The following LRRC8B variants were observed in gnomAD, a reference collection of about 807,000 sequenced individuals.
The protein encoded by LRRC8B is volume-regulated anion channel subunit LRRC8B.
In LRRC8B, 23 loss-of-function variants were observed where a neutral mutation model predicts 58.8. The observed-to-expected ratio is 0.39, with a 90% CI of 0.28 to 0.55. The LOEUF (loss-of-function observed/expected upper bound fraction) is 0.55, where lower values mean the gene tolerates loss of function less well. LRRC8B is among the 20% of genes least tolerant of loss of function. The pLI is 0.62. For synonymous variants in LRRC8B, 359 were observed against 374.1 expected, an observed-to-expected ratio of 0.96 and a Z score of 0.47; for missense variants, 694 against 936.0, an observed-to-expected ratio of 0.74 and a Z score of 3.37.
Position 89,592,932 on chromosome 1 carries a change from A to G in LRRC8B, c.2301A>G (p.Leu767=), listed in dbSNP as rs773454496. ...GNYLETLPPE[L]EGCQSLKRNC... ...ACCTGGAAACACTTCCTCCTGAACT[A>G]GAAGGATGTCAGTCCCTAAAACGGA... The change falls in exon 6 of 6, where the codon CTA becomes CTG. Residue 767 remains leucine, a synonymous_variant. Coordinates refer to ENST00000330947, the MANE Select transcript of LRRC8B (RefSeq NM_001369817.2). 6.2e-7 allele frequency: 1 copy of G among 1,614,142 alleles called. No homozygotes were observed. The highest frequency in any genetic ancestry group is 1.6e-4 in the Middle Eastern group (1 of 6,062).
Position 89,594,352 on chromosome 1 carries a change from G to A in LRRC8B, c.*1309G>A, listed in dbSNP as rs1314466265. 1 of 152,182 alleles carries A rather than the reference G, an allele frequency of 6.6e-6. No individual in the cohort carries two copies. Among genetic ancestry groups the A allele is most frequent in the East Asian group, 1.9e-4 (1 of 5,202 alleles). 9.4% of individuals were successfully genotyped at this position (152,182 alleles called of 1,614,324 possible). On this transcript the variant is annotated 3_prime_UTR_variant, in exon 6 of 6. Transcript: ENST00000330947. Reference sequence around the variant, plus strand: ...AAAGTATTTGGGGGTTTCCTTGTGAGAGGGTGGCCGAATCATCTACCTCTC... The same window carrying A: ...AAAGTATTTGGGGGTTTCCTTGTGAAAGGGTGGCCGAATCATCTACCTCTC...
At chr1:89,580,761 T>C (rs555176806) in intron 4 of LRRC8B, among the ~76,000 whole-genome samples, 2 of 152,142 alleles carry the variant, frequency 1.3e-5, no homozygotes, top group Non-Finnish European at 2.9e-5. Context: ...ATCCATATAA[T>C]ATTATGTGAT....
chr1:89,543,873 G>A (rs531718765), intron 1 of LRRC8B, among the ~76,000 whole-genome samples: 3 of 150,602 alleles, frequency 2.0e-5, no homozygotes, highest in African/African-American at 4.9e-5. Context: ...CTCCAGCCCC[G>A]ATCTCCCAGG....
intron 1 of LRRC8B, among the ~76,000 whole-genome samples, chr1:89,539,585 T>A (rs1650803579): frequency 6.6e-6 from 1 of 152,202 alleles, no homozygotes; most frequent in South Asian, 2.1e-4. Flanking sequence ...GGAGTCTGCA[T>A]GGAAAGTGTA....
chr1:89,529,552 T>C (rs904935300), intron 1 of LRRC8B, among the ~76,000 whole-genome samples: 1 of 152,176 alleles, frequency 6.6e-6, no homozygotes, highest in African/African-American at 2.4e-5. Flanking sequence ...AGAAAAAAAG[T>C]ATATAAAGTG....
chr1:89,572,093 C>T (rs141734627), intron 3 of LRRC8B, among the ~76,000 whole-genome samples: 4 of 152,204 alleles, frequency 2.6e-5, no homozygotes, highest in Non-Finnish European at 4.4e-5. Flanking sequence ...TGTTCCTATG[C>T]TTATGAAGCT....
At chr1:89,557,470 T>G (rs1410107915) in intron 1 of LRRC8B, among the ~76,000 whole-genome samples, 1 of 152,240 alleles carries the variant, frequency 6.6e-6, no homozygotes, top group Non-Finnish European at 1.5e-5. Flanking sequence ...TTCAGAGTGC[T>G]TCCATGATAT....
chr1:89,597,681 G>A lies in LRRC8B; in HGVS notation c.*4638G>A, dbSNP rs1655358300. The A allele has an allele frequency of 6.6e-6, 1 of 152,120 alleles. No individual in the cohort carries two copies. The highest frequency in any genetic ancestry group is 1.5e-5 in the Non-Finnish European group (1 of 68,012). 9.4% of individuals were successfully genotyped at this position (152,120 alleles called of 1,614,324 possible). On this transcript the variant is annotated 3_prime_UTR_variant, in exon 6 of 6. Transcript: ENST00000330947. ...GGTAATGAATTATTAGAAAATGGAA[G>A]ATTTTGTTCAATGTTTTTGGCCCTC...
At position 89,583,390 on chromosome 1, in the gene LRRC8B, A is replaced by T; in HGVS notation, c.740A>T (p.His247Leu). The change falls in exon 5 of 6, where the codon CAT becomes CTT. Residue 247 changes from histidine to leucine, a missense_variant. Physicochemically the swap from His to Leu is moderately conservative, Grantham distance 99. This residue lies in a region of LRRC8B where 316 missense variants were observed against 403.8 expected (regional missense o/e 0.78). Transcript: ENST00000330947. The surrounding 1 kb of genome is among the most constrained non-coding windows in gnomAD (Gnocchi z 5.2). ...GAAAAAGTGAAAAGATTCCGCATGCATGTGGAGCAGAAGGACATCATTTAT... is the reference window on the plus strand; with the variant it reads ...GAAAAAGTGAAAAGATTCCGCATGCTTGTGGAGCAGAAGGACATCATTTAT... ...IFEKVKRFRM[H>L]VEQKDIIYRV... 4 of 1,614,238 alleles carry T rather than the reference A, an allele frequency of 2.5e-6. No individual in the cohort carries two copies. The highest frequency in any genetic ancestry group is 3.4e-6 in the Non-Finnish European group (4 of 1,180,056).
At chr1:89,551,842 A>G (rs1651841922) in intron 1 of LRRC8B, among the ~76,000 whole-genome samples, 1 of 152,120 alleles carries the variant, frequency 6.6e-6, no homozygotes, top group African/African-American at 2.4e-5. Context: ...AATAGAATTG[A>G]CTCAGTTTCT....
chr1:89,590,997 G>A (rs1445127038), intron 5 of LRRC8B, among the ~76,000 whole-genome samples: 1 of 152,152 alleles, frequency 6.6e-6, no homozygotes, highest in African/African-American at 2.4e-5. Context: ...ATCCTACACT[G>A]CACAGGACAG....
chr1:89,563,129 C>T, intron 1 of LRRC8B, among the ~76,000 whole-genome samples: 1 of 152,114 alleles, frequency 6.6e-6, no homozygotes, highest in Middle Eastern at 3.4e-3. Context: ...GCAATAAGAA[C>T]AGTTTTCCTG....
At chr1:89,558,273 C>T (rs1570596390) in intron 1 of LRRC8B, among the ~76,000 whole-genome samples, 1 of 152,110 alleles carries the variant, frequency 6.6e-6, no homozygotes, top group African/African-American at 2.4e-5. Context: ...AAACTTAGCA[C>T]TCCTGGGAAG....
intron 3 of LRRC8B, among the ~76,000 whole-genome samples, chr1:89,569,887 A>C (rs1653321113): frequency 6.6e-6 from 1 of 152,030 alleles, no homozygotes; most frequent in Non-Finnish European, 1.5e-5. Flanking sequence ...GATAGGCCCC[A>C]GTATGTGTTG....
At chr1:89,569,759 T>C (rs1419086376) in intron 3 of LRRC8B, among the ~76,000 whole-genome samples, 1 of 152,148 alleles carries the variant, frequency 6.6e-6, no homozygotes, top group Non-Finnish European at 1.5e-5. Flanking sequence ...GTTTGCTACA[T>C]AGGTATATTT....
At position 89,596,074 on chromosome 1, in the gene LRRC8B, G is replaced by A. The variant is rs1165374155; in HGVS notation, c.*3031G>A. ...ATCTAGTGGTTTTTTTTTCAAAATT[G>A]CAGGAGGTTGTAGATTAAATTAAGT... On this transcript the variant is annotated 3_prime_UTR_variant, in exon 6 of 6. Coordinates refer to ENST00000330947, the MANE Select transcript of LRRC8B (RefSeq NM_001369817.2). 1 of 151,016 alleles carries A rather than the reference G, an allele frequency of 6.6e-6. No individual in the cohort carries two copies. The highest frequency in any genetic ancestry group is 1.5e-5 in the Non-Finnish European group (1 of 67,736). The allele number at this position is 151,016 out of a possible 1,614,324, so 9.4% of individuals were successfully genotyped here. A position where few individuals can be genotyped will look rare whatever the true frequency, so the allele number is the denominator to read the frequency against.
intron 3 of LRRC8B, among the ~76,000 whole-genome samples, chr1:89,574,637 A>G (rs1653713016): frequency 6.6e-6 from 1 of 152,172 alleles, no homozygotes. Context: ...GTATTTCAAG[A>G]AAGAGACTAA....
intron 1 of LRRC8B, among the ~76,000 whole-genome samples, chr1:89,532,242 T>G (rs770882878): frequency 6.6e-6 from 1 of 152,200 alleles, no homozygotes; most frequent in Non-Finnish European, 1.5e-5. Context: ...GTTTGCTTGT[T>G]TATGCTCTAT....
chr1:89,578,248 T>C lies in LRRC8B; in HGVS notation c.-124-1343T>C, dbSNP rs148493993. Among the ~76,000 whole-genome samples, 309 of 152,330 alleles carry C rather than the reference T, an allele frequency of 2.0e-3. 3 individuals carry two copies. Among genetic ancestry groups the C allele is most frequent in the African/African-American group, 6.8e-3 (283 of 41,588 alleles). On this transcript the variant is annotated intron_variant, in intron 3 of 5. Coordinates refer to ENST00000330947, the MANE Select transcript of LRRC8B (RefSeq NM_001369817.2). Reference sequence around the variant, plus strand: ...AAGGAGAACTGTATAAGAAGAATCATGGCTGAGTAACATTTTTGAATTATG... The same window carrying C: ...AAGGAGAACTGTATAAGAAGAATCACGGCTGAGTAACATTTTTGAATTATG...
Sources: allele counts gnomAD v4.1 joint callset (sites outside exome capture counted in the v4.1 genomes callset), GRCh38; gene constraint gnomAD v4.1.1; regional missense constraint gnomAD v4.1.1; non-coding constraint Gnocchi (gnomAD v3.1); transcripts MANE v1.5; gene names NCBI Gene and HGNC (gene_info 2026-07-23, HGNC 2026-07-21).